FOXN3: variants seen among roughly 807,000 people sequenced by gnomAD.
The protein encoded by FOXN3 is forkhead box protein N3.
A neutral mutation model predicts 38.4 loss-of-function variants in FOXN3; 7 were observed. The ratio of observed to expected loss-of-function variants is 0.18; its 90% confidence interval spans 0.10 to 0.34. The LOEUF (loss-of-function observed/expected upper bound fraction) is 0.34. Among genes scored for constraint, FOXN3 ranks in the 10% least tolerant of loss-of-function variants. The pLI is 1.00. For synonymous variants in FOXN3, 230 were observed against 242.2 expected (o/e 0.95, Z 0.47); for missense variants, 456 against 613.4 (o/e 0.74, Z 2.71).
At chr14:89,363,764 T>C (rs183839225) in intron 2 of FOXN3, among the ~76,000 whole-genome samples, 4 of 152,038 alleles carry the variant, frequency 2.6e-5, no homozygotes, top group Admixed American at 2.6e-4. Context: ...ACCATGAACT[T>C]ACAGCCTCTG....
At chr14:89,507,336 C>T (rs186923104) in intron 1 of FOXN3, among the ~76,000 whole-genome samples, 13 of 152,194 alleles carry the variant, frequency 8.5e-5, no homozygotes, top group Admixed American at 7.2e-4. Flanking sequence ...TCGAGTTGCC[C>T]CACCAATGGA....
chr14:89,554,782 C>CTTTTTTTTTTTTTTT (rs34530866), intron 1 of FOXN3, among the ~76,000 whole-genome samples: 2 of 68,570 alleles, frequency 2.9e-5, no homozygotes, highest in African/African-American at 1.0e-4. Flanking sequence ...ACTAGCATTT[C>CTTTTTTTTTTTTTTT]TTTTTTTTTT....
At chr14:89,366,417 C>G (rs1299456617) in intron 2 of FOXN3, among the ~76,000 whole-genome samples, 1 of 152,068 alleles carries the variant, frequency 6.6e-6, no homozygotes, top group South Asian at 2.1e-4. Flanking sequence ...CACCCACAAT[C>G]TTAAAGTCGA....
At chr14:89,534,098 TTC>T (rs1338919772) in intron 1 of FOXN3, among the ~76,000 whole-genome samples, 9 of 140,486 alleles carry the variant, frequency 6.4e-5, no homozygotes, top group African/African-American at 2.3e-4. Context: ...TAATTATACA[TTC>T]TTTTTTTTTT....
At chr14:89,324,735 G>A (rs1887998211) in intron 3 of FOXN3, among the ~76,000 whole-genome samples, 2 of 152,252 alleles carry the variant, frequency 1.3e-5, no homozygotes, top group Non-Finnish European at 2.9e-5. Context: ...GAACAGCTGA[G>A]AAGGCAAAGA....
chr14:89,593,603 A>G (rs997951839), intron 1 of FOXN3, among the ~76,000 whole-genome samples: 3 of 152,234 alleles, frequency 2.0e-5, no homozygotes, highest in African/African-American at 7.2e-5. Flanking sequence ...GCATAATTTT[A>G]AATTGATTAA....
At chr14:89,391,105 G>A (rs1364170585) in intron 2 of FOXN3, among the ~76,000 whole-genome samples, 1 of 152,168 alleles carries the variant, frequency 6.6e-6, no homozygotes, top group Non-Finnish European at 1.5e-5. Context: ...CAATTACAGA[G>A]GGTGAAAACT....
At chr14:89,367,458 A>C (rs1188455754) in intron 2 of FOXN3, among the ~76,000 whole-genome samples, 1 of 152,118 alleles carries the variant, frequency 6.6e-6, no homozygotes, top group South Asian at 2.1e-4. Context: ...AGTGTTATCG[A>C]TTCCTCCAGC....
intron 4 of FOXN3, among the ~76,000 whole-genome samples, chr14:89,226,596 G>A (rs10132162): frequency 0.81 from 123,718 of 151,992 alleles, 50,439 homozygotes; most frequent in African/African-American, 0.83. Context: ...GAAAATTTCA[G>A]ATTATTCTTC....
intron 1 of FOXN3, among the ~76,000 whole-genome samples, chr14:89,571,678 A>T (rs546633361): frequency 6.6e-6 from 1 of 152,298 alleles, no homozygotes; most frequent in African/African-American, 2.4e-5. Context: ...CATAGACAAC[A>T]CCTAAACAAA....
chr14:89,192,572 A>G (rs1887984979), intron 4 of FOXN3, among the ~76,000 whole-genome samples: 1 of 139,458 alleles, frequency 7.2e-6, no homozygotes, highest in African/African-American at 2.6e-5. Context: ...AATATATAAC[A>G]CATATGTTAT....
At chr14:89,168,921 G>A (rs1887314175) in intron 5 of FOXN3, among the ~76,000 whole-genome samples, 1 of 152,154 alleles carries the variant, frequency 6.6e-6, no homozygotes, top group Non-Finnish European at 1.5e-5. Flanking sequence ...TGAAGCAGAA[G>A]AAAGTGGAAC....
intron 2 of FOXN3, among the ~76,000 whole-genome samples, chr14:89,410,304 C>A (rs1463274314): frequency 6.6e-6 from 1 of 152,126 alleles, no homozygotes; most frequent in African/African-American, 2.4e-5. Flanking sequence ...GCCCCAGCCC[C>A]GCACAGCCAC....
At chr14:89,338,450 A>T (rs1257222806) in intron 3 of FOXN3, among the ~76,000 whole-genome samples, 1 of 152,140 alleles carries the variant, frequency 6.6e-6, no homozygotes, top group Non-Finnish European at 1.5e-5. Flanking sequence ...CAGAACATAA[A>T]GTATAAAAAG....
chr14:89,581,253 G>A (rs1895732837), intron 1 of FOXN3, among the ~76,000 whole-genome samples: 1 of 151,326 alleles, frequency 6.6e-6, no homozygotes, highest in African/African-American at 2.4e-5. Flanking sequence ...AGGCTGAGGG[G>A]GGAGTATCAC....
rs10559428 is a variant in FOXN3 at position 89,204,052 on chromosome 14, TACACACACACACACACACAC to T, written c.746-23266_746-23247del. ...ACCGGTATAACCAGGCATACTCCCTTACACACACACACACACACACACACACACACACACACACACACACA... is the reference window on the plus strand; with the variant it reads ...ACCGGTATAACCAGGCATACTCCCTTACACACACACACACACACACACACA... On this transcript the variant is annotated intron_variant, in intron 4 of 5. Transcript: ENST00000557258. Among the ~76,000 whole-genome samples, 374 of 133,760 alleles carry T rather than the reference TACACACACACACACACACAC, an allele frequency of 2.8e-3. 4 individuals carry two copies. The highest frequency in any genetic ancestry group is 9.1e-3 in the African/African-American group (331 of 36,196). 87.8% of individuals were successfully genotyped at this position (133,760 alleles called of 152,430 possible). A position where few individuals can be genotyped will look rare whatever the true frequency, so the allele number is the denominator to read the frequency against.
chr14:89,172,989 T>C (rs1887428931), intron 5 of FOXN3, among the ~76,000 whole-genome samples: 2 of 152,104 alleles, frequency 1.3e-5, no homozygotes, highest in Admixed American at 6.5e-5. Flanking sequence ...GATTGATAAA[T>C]GTGATTAATA....
At chr14:89,540,506 G>A (rs1233999367) in intron 1 of FOXN3, among the ~76,000 whole-genome samples, 4 of 152,160 alleles carry the variant, frequency 2.6e-5, no homozygotes, top group Non-Finnish European at 4.4e-5. Flanking sequence ...AAGCCAAGGC[G>A]GGCGGATCGC....
intron 1 of FOXN3, among the ~76,000 whole-genome samples, chr14:89,468,476 T>TAC (rs925241660): frequency 1.6e-4 from 23 of 142,208 alleles, no homozygotes; most frequent in East Asian, 4.5e-4. Flanking sequence ...CACACACACA[T>TAC]ACACACACAC....
Sources: gnomAD v4.1 joint callset for allele counts (sites outside exome capture counted in the v4.1 genomes callset) on GRCh38, gnomAD v4.1.1 for gene constraint, MANE v1.5 for transcripts, NCBI Gene and HGNC (gene_info 2026-07-23, HGNC 2026-07-21) for gene names.